The following GID8 variants were observed in gnomAD, a reference collection of about 807,000 sequenced individuals.
GID8 encodes glucose-induced degradation protein 8 homolog.
GID8 carries 6 observed loss-of-function variants against 27.4 expected under a neutral mutation model. That is an observed-to-expected ratio of 0.22 (90% CI 0.12 to 0.43). GID8 has a LOEUF of 0.43. GID8 is among the 20% of genes least tolerant of loss of function. The pLI is 1.00. For synonymous variants in GID8, 112 were observed against 109.0 expected (o/e 1.03, Z -0.17); for missense variants, 173 against 287.6 (o/e 0.60, Z 2.88).
chr20:62,939,165 C>G (rs951347584), intron 1 of GID8, among the ~76,000 whole-genome samples: 1 of 151,988 alleles, frequency 6.6e-6, no homozygotes, highest in Non-Finnish European at 1.5e-5. Context: ...CATTAATTGT[C>G]GTGAATAAAA....
chr20:62,944,362 T>TC (rs1232876781), intron 4 of GID8, among the ~76,000 whole-genome samples: 1 of 152,088 alleles, frequency 6.6e-6, no homozygotes, highest in Non-Finnish European at 1.5e-5. Context: ...AGGTCCCTCT[T>TC]CCCCCGGGTC....
In GID8 at chr20:62,945,923, T is replaced by C. The variant is rs2427452; in HGVS notation, c.*1011T>C. The C allele has an allele frequency of 0.73, 941,071 of 1,289,262 alleles. 343,897 individuals carry two copies. The highest frequency in any genetic ancestry group is 0.76 in the Admixed American group (33,265 of 43,568). 79.9% of individuals were successfully genotyped at this position (1,289,262 alleles called of 1,614,324 possible). On this transcript the variant is annotated 3_prime_UTR_variant, in exon 5 of 5. Transcript: ENST00000266069. ...CAGCATCTCATCCTCCATCGTCAGC[T>C]GGCTCTGCCGATGTCCTGCTTCTGT...
At chr20:62,944,705 A>T in intron 4 of GID8, 34 bp from the exon 5 acceptor site, 1 of 1,430,220 alleles carries the variant, frequency 7.0e-7, no homozygotes, top group Non-Finnish European at 9.9e-7. Context: ...CTCTGCGTGT[A>T]TGGTGGTTTT....
intron 1 of GID8, 95 bp from the exon 2 acceptor site, chr20:62,941,396 T>A: frequency 1.4e-6 from 1 of 714,686 alleles, no homozygotes; most frequent in South Asian, 1.6e-5. Flanking sequence ...ACATGCTCAG[T>A]GTGGGATTCT....
chr20:62,945,602 G>A lies in GID8; in HGVS notation c.*690G>A. On this transcript the variant is annotated 3_prime_UTR_variant, in exon 5 of 5. Coordinates refer to ENST00000266069, the MANE Select transcript of GID8 (RefSeq NM_017896.3). ...TGAACCATCTCTTCTGGGCAGTTTTGTTGAAAATAAAGGTTTCTCTTTGAT... is the reference window on the plus strand; with the variant it reads ...TGAACCATCTCTTCTGGGCAGTTTTATTGAAAATAAAGGTTTCTCTTTGAT... The A allele has an allele frequency of 3.4e-6, 4 of 1,167,212 alleles. No individual in the cohort carries two copies. Among genetic ancestry groups the A allele is most frequent in the African/African-American group, 1.6e-5 (1 of 62,210 alleles). The allele number at this position is 1,167,212 out of a possible 1,614,324, so 72.3% of individuals were successfully genotyped here.
In GID8 at chr20:62,945,790, C is replaced by G. The variant is rs761815844; in HGVS notation, c.*878C>G. 7.8e-7 allele frequency: 1 copy of G among 1,278,238 alleles called. No individual in the cohort carries two copies. The highest frequency in any genetic ancestry group is 1.3e-5 in the South Asian group (1 of 79,434). 79.2% of individuals were successfully genotyped at this position (1,278,238 alleles called of 1,614,324 possible). ...GCTGAGTGAGCGGCCTTCATTAGAGCGAGGCAGCCCTTGGCCGGTGGGGAC... is the reference window on the plus strand; with the variant it reads ...GCTGAGTGAGCGGCCTTCATTAGAGGGAGGCAGCCCTTGGCCGGTGGGGAC... On this transcript the variant is annotated 3_prime_UTR_variant, in exon 5 of 5. Transcript: ENST00000266069.
chr20:62,938,938 G>A (rs982788326), intron 1 of GID8: 2 of 152,118 alleles, frequency 1.3e-5, no homozygotes, highest in Non-Finnish European at 2.9e-5. Flanking sequence ...TGGCAACAGC[G>A]AGACTCCCTT....
At chr20:62,940,919 C>T (rs1424307039) in intron 1 of GID8, among the ~76,000 whole-genome samples, 2 of 152,246 alleles carry the variant, frequency 1.3e-5, no homozygotes, top group African/African-American at 2.4e-5. Context: ...GAAGAAATAA[C>T]GTCTGATGAT....
Position 62,943,806 on chromosome 20 carries a change from T to G in GID8, c.513+114T>G. 1.4e-6 allele frequency: 1 copy of G among 720,788 alleles called. No homozygotes were observed. 44.6% of individuals were successfully genotyped at this position (720,788 alleles called of 1,614,324 possible). ...TGGACTGAGAGACAGGTGGCTTCTG[T>G]GCCTGGGATGCTAAGTGGTTCCTTC... On this transcript the variant is annotated intron_variant, in intron 4 of 4. Coordinates refer to ENST00000266069, the MANE Select transcript of GID8 (RefSeq NM_017896.3). This position sits in a 1 kb window ranked among gnomAD's most constrained non-coding sequence, Gnocchi z 4.7.
chr20:62,939,174 A>G (rs2065425282), intron 1 of GID8, among the ~76,000 whole-genome samples: 2 of 152,124 alleles, frequency 1.3e-5, no homozygotes, highest in Admixed American at 1.3e-4. Flanking sequence ...TCGTGAATAA[A>G]AAGTTGGTCT....
rs1601072120 is a variant in GID8 at position 62,943,599 on chromosome 20, C to T, written c.420C>T (p.Leu140=). The change falls in exon 4 of 5, where the codon CTC becomes CTT. Residue 140 remains leucine (L), a synonymous_variant. Coordinates refer to ENST00000266069, the MANE Select transcript of GID8 (RefSeq NM_017896.3). This position sits in a 1 kb window ranked among gnomAD's most constrained non-coding sequence, Gnocchi z 4.7. ...AGGGCGAGGAGAGCCGAGAGTGCCT[C>T]ACAGAGATGGAGCGTACCCTGGCAC... The part of the protein sequence containing the change: ...AEQGEESREC[L]TEMERTLALL... 11 of 1,613,784 alleles carry T rather than the reference C, an allele frequency of 6.8e-6. No individual in the cohort carries two copies. The highest frequency in any genetic ancestry group is 9.3e-6 in the Non-Finnish European group (11 of 1,179,976).
intron 2 of GID8, 47 bp from the exon 3 acceptor site, chr20:62,942,940 A>T (rs1393297285): frequency 6.9e-7 from 1 of 1,444,786 alleles, no homozygotes; most frequent in South Asian, 1.2e-5. Flanking sequence ...TCTTTGCCTT[A>T]ATTCCTTGCT....
intron 1 of GID8, among the ~76,000 whole-genome samples, chr20:62,940,766 C>T (rs778646349): frequency 6.6e-6 from 1 of 152,218 alleles, no homozygotes; most frequent in Non-Finnish European, 1.5e-5. Flanking sequence ...TGACCACAGT[C>T]CCTTCTCAGC....
intron 1 of GID8, among the ~76,000 whole-genome samples, chr20:62,940,670 G>T (rs2065439399): frequency 6.6e-6 from 1 of 152,140 alleles, no homozygotes; most frequent in Non-Finnish European, 1.5e-5. Context: ...TTTTCATTCA[G>T]CATTGTTTTA....
chr20:62,941,586 C>T lies in GID8; in HGVS notation c.84C>T (p.Asp28=), dbSNP rs34200024. The T allele has an allele frequency of 2.8e-3, 4,493 of 1,607,816 alleles. 14 individuals are homozygous for T. Among genetic ancestry groups the T allele is most frequent in the Middle Eastern group, 3.5e-3 (21 of 6,052 alleles). The change falls in exon 2 of 5, where the codon GAC becomes GAT. Residue 28 remains aspartate (D), a synonymous_variant. Transcript: ENST00000266069. ...KLNNLHVQRA[D]MNRLIMNYLV... ...ATAACTTGCATGTCCAGAGAGCAGA[C>T]ATGAACCGCCTCATCATGAACTACC...
In GID8 at chr20:62,944,847, C is replaced by A; in HGVS notation, c.622C>A (p.Gln208Lys). The A allele has an allele frequency of 6.2e-7, 1 of 1,614,094 alleles. No homozygotes were observed. Among genetic ancestry groups the A allele is most frequent in the Non-Finnish European group, 8.5e-7 (1 of 1,179,986 alleles). Residue 208 changes from glutamine (Q) to lysine (K), a missense_variant, in exon 5 of 5, where the codon CAG (glutamine) becomes AAG (lysine). Gln to Lys is a moderately conservative substitution (Grantham distance 53). Coordinates refer to ENST00000266069, the MANE Select transcript of GID8 (RefSeq NM_017896.3). ...ACTTTGGGCTCAGAACGAGCTGGACCAGAAGAAAGTAAAATATCCCAAAAT... is the reference window on the plus strand; with the variant it reads ...ACTTTGGGCTCAGAACGAGCTGGACAAGAAGAAAGTAAAATATCCCAAAAT... ...LLLWAQNELD[Q>K]KKVKYPKMTD...
chr20:62,942,850 T>A, intron 2 of GID8, 137 bp from the exon 3 acceptor site: 1 of 622,386 alleles, frequency 1.6e-6, no homozygotes, highest in Admixed American at 2.8e-5. Context: ...TATAAAGATA[T>A]TAATACCGAG....
At position 62,943,388 on chromosome 20, in the gene GID8, GA is replaced by G; in HGVS notation, c.316-103del. ...CAAATTTGATAACTCAGAGATGCAA[GA>G]AAAGTCTTCCCTCTGTGATGTACTT... is the stretch of plus-strand genomic sequence containing the variant. On this transcript the variant is annotated intron_variant, in intron 3 of 4. Coordinates refer to ENST00000266069, the MANE Select transcript of GID8 (RefSeq NM_017896.3). This position sits in a 1 kb window ranked among gnomAD's most constrained non-coding sequence, Gnocchi z 4.7. 8.8e-7 allele frequency: 1 copy of G among 1,132,074 alleles called. No homozygotes were observed. The highest frequency in any genetic ancestry group is 2.4e-5 in the East Asian group (1 of 42,046). The allele number at this position is 1,132,074 out of a possible 1,614,324, so 70.1% of individuals were successfully genotyped here.
rs2065475071 is a variant in GID8 at position 62,948,337 on chromosome 20, C to T, written c.*3425C>T. 6.6e-6 allele frequency: 1 copy of T among 152,130 alleles called. No homozygotes were observed. The highest frequency in any genetic ancestry group is 2.4e-5 in the African/African-American group (1 of 41,424). The allele number at this position is 152,130 out of a possible 1,614,324, so 9.4% of individuals were successfully genotyped here. A position where few individuals can be genotyped will look rare whatever the true frequency, so the allele number is the denominator to read the frequency against. ...TATGAACCATAACCTGCTGTGGTAC[C>T]TTTGTACATGTTTGATTCTGTATTC... On this transcript the variant is annotated 3_prime_UTR_variant, in exon 5 of 5. Coordinates refer to ENST00000266069, the MANE Select transcript of GID8 (RefSeq NM_017896.3).
Sources: allele counts gnomAD v4.1 joint callset (sites outside exome capture counted in the v4.1 genomes callset), GRCh38; gene constraint gnomAD v4.1.1; non-coding constraint Gnocchi (gnomAD v3.1); transcripts MANE v1.5; gene names NCBI Gene and HGNC (gene_info 2026-07-23, HGNC 2026-07-21).